GBE1: variants seen among roughly 807,000 people sequenced by gnomAD.
GBE1 encodes 1,4-alpha-glucan branching enzyme 1.
Under a neutral mutation model 88.8 loss-of-function variants are expected in GBE1, and 70 were observed. The ratio of observed to expected loss-of-function variants is 0.79; its 90% CI spans 0.65 to 0.96. The LOEUF is 0.96. Among genes scored for constraint, GBE1 ranks in the 40% least tolerant of loss-of-function variants. The pLI is 0.00. For missense variants in GBE1, 872 were observed against 871.0 expected (o/e 1.00, Z -0.01); for synonymous variants, 284 against 300.1 (o/e 0.95, Z 0.56).
chr3:81,565,866 C>T (rs9846154), intron 12 of GBE1, among the ~76,000 whole-genome samples: 99,306 of 152,078 alleles, frequency 0.65, 34,211 homozygotes, highest in East Asian at 0.92. Context: ...TTTTTGTTTG[C>T]ATATAAATCT....
At chr3:81,685,331 T>C (rs1195233391) in intron 2 of GBE1, among the ~76,000 whole-genome samples, 1 of 151,998 alleles carries the variant, frequency 6.6e-6, no homozygotes, top group Non-Finnish European at 1.5e-5. Context: ...GTTGTTGTTG[T>C]TGTTGTTTTG....
chr3:81,709,347 G>A (rs1023172795), intron 1 of GBE1, among the ~76,000 whole-genome samples: 6 of 151,974 alleles, frequency 3.9e-5, no homozygotes, highest in African/African-American at 1.4e-4. Flanking sequence ...CCCAATATCA[G>A]TCATCTATAC....
intron 1 of GBE1, among the ~76,000 whole-genome samples, chr3:81,714,499 A>G (rs151081207): frequency 4.7e-4 from 71 of 152,330 alleles, no homozygotes; most frequent in African/African-American, 1.4e-3. Context: ...ATTGATGGAA[A>G]TGAGATAAAC....
intron 12 of GBE1, among the ~76,000 whole-genome samples, chr3:81,572,872 T>A (rs1460745729): frequency 2.6e-5 from 4 of 152,116 alleles, no homozygotes; most frequent in Non-Finnish European, 4.4e-5. Flanking sequence ...AACCAGCATG[T>A]TCATAGCAAC....
chr3:81,661,733 C>T (rs141742455), intron 3 of GBE1, among the ~76,000 whole-genome samples: 50 of 152,178 alleles, frequency 3.3e-4, no homozygotes, highest in Middle Eastern at 6.8e-3. Flanking sequence ...AAAGCTAGAC[C>T]TGAGAAGGTA....
At chr3:81,660,332 A>T (rs1705006709) in intron 3 of GBE1, among the ~76,000 whole-genome samples, 2 of 152,228 alleles carry the variant, frequency 1.3e-5, no homozygotes, top group Admixed American at 1.3e-4. Context: ...TGCTACTTTC[A>T]TCCTTCCTTG....
intron 3 of GBE1, chr3:81,650,390 T>C (rs1704828098): frequency 6.2e-6 from 1 of 161,288 alleles, no homozygotes; most frequent in Non-Finnish European, 1.3e-5. Flanking sequence ...CAGGTTTGAT[T>C]AACACAATGT....
intron 14 of GBE1, among the ~76,000 whole-genome samples, chr3:81,514,642 C>A (rs1702772375): frequency 6.6e-6 from 1 of 151,530 alleles, no homozygotes; most frequent in Non-Finnish European, 1.5e-5. Flanking sequence ...CTTTTGGTTG[C>A]AGCTTTCAAA....
intron 7 of GBE1, among the ~76,000 whole-genome samples, chr3:81,615,466 A>G (rs1704236936): frequency 6.6e-6 from 1 of 152,204 alleles, no homozygotes; most frequent in Non-Finnish European, 1.5e-5. Flanking sequence ...AGCCCTGGAA[A>G]ACACTAATTT....
intron 2 of GBE1, among the ~76,000 whole-genome samples, chr3:81,682,760 T>C (rs551852280): frequency 4.6e-5 from 7 of 152,330 alleles, no homozygotes; most frequent in South Asian, 2.1e-4. Context: ...GGATATCCAA[T>C]TGAAATGAAA....
chr3:81,569,112 C>T (rs1365772635), intron 12 of GBE1, among the ~76,000 whole-genome samples: 1 of 152,008 alleles, frequency 6.6e-6, no homozygotes, highest in African/African-American at 2.4e-5. Context: ...TTTTATGGAA[C>T]ATTTATATTT....
chr3:81,495,465 TA>T (rs1322630078), intron 15 of GBE1, among the ~76,000 whole-genome samples: 1 of 150,330 alleles, frequency 6.7e-6, no homozygotes, highest in African/African-American at 2.5e-5. Context: ...TTTTTTATAA[TA>T]AAAATCACAG....
At chr3:81,577,268 A>T (rs1044411087) in intron 12 of GBE1, among the ~76,000 whole-genome samples, 1 of 152,146 alleles carries the variant, frequency 6.6e-6, no homozygotes, top group African/African-American at 2.4e-5. Context: ...AAAATAAAAC[A>T]GCCTTTTGTA....
At chr3:81,686,353 G>A (rs1351679464) in intron 2 of GBE1, among the ~76,000 whole-genome samples, 1 of 152,148 alleles carries the variant, frequency 6.6e-6, no homozygotes, top group East Asian at 1.9e-4. Flanking sequence ...GGGAGGGAAG[G>A]AAGGTAAAAT....
At chr3:81,568,287 A>T (rs1001989094) in intron 12 of GBE1, among the ~76,000 whole-genome samples, 1 of 152,090 alleles carries the variant, frequency 6.6e-6, no homozygotes, top group Non-Finnish European at 1.5e-5. Context: ...AGCTGAGACT[A>T]CAGGTGCGTG....
intron 12 of GBE1, among the ~76,000 whole-genome samples, chr3:81,574,989 A>C (rs770260579): frequency 2.6e-5 from 4 of 151,912 alleles, no homozygotes; most frequent in Admixed American, 6.6e-5. Context: ...ACGGTGAAAC[A>C]CTGTCTCTAC....
chr3:81,541,921 T>A (rs1703147064), intron 12 of GBE1, among the ~76,000 whole-genome samples: 1 of 152,108 alleles, frequency 6.6e-6, no homozygotes, highest in South Asian at 2.1e-4. Flanking sequence ...CAATGTTTTA[T>A]TTTTATTTTA....
At chr3:81,608,339 T>C (rs745654371) in intron 7 of GBE1, among the ~76,000 whole-genome samples, 5 of 152,186 alleles carry the variant, frequency 3.3e-5, no homozygotes, top group Admixed American at 6.5e-5. Context: ...GCTTCTTCCA[T>C]TGAAAACCCT....
chr3:81,690,847 G>C (rs1415200521), intron 2 of GBE1, among the ~76,000 whole-genome samples: 1 of 151,386 alleles, frequency 6.6e-6, no homozygotes, highest in Non-Finnish European at 1.5e-5. Context: ...TTATTGTCTT[G>C]CTATATTATT....
Sources: gnomAD v4.1 joint callset for allele counts (sites outside exome capture counted in the v4.1 genomes callset) on GRCh38, gnomAD v4.1.1 for gene constraint, MANE v1.5 for transcripts, NCBI Gene and HGNC (gene_info 2026-07-23, HGNC 2026-07-21) for gene names.